KPNA5: variants seen among roughly 807,000 people sequenced by gnomAD.
KPNA5 encodes the protein importin subunit alpha-6.
A neutral mutation model predicts 71.3 loss-of-function variants in KPNA5; 46 were observed. That is an observed-to-expected ratio of 0.65 (90% CI 0.51 to 0.83). The LOEUF is 0.83. KPNA5 is among the 40% of genes least tolerant of loss of function. The pLI is 0.00. For missense variants in KPNA5, 547 were observed against 628.3 expected (o/e 0.87, Z 1.38); for synonymous variants, 207 against 201.4 (o/e 1.03, Z -0.24).
At chr6:116,706,521 C>T (rs1017929502) in intron 7 of KPNA5, among the ~76,000 whole-genome samples, 1 of 152,074 alleles carries the variant, frequency 6.6e-6, no homozygotes, top group African/African-American at 2.4e-5. Context: ...GAAACCCCGT[C>T]TCTACTGAAA....
rs1159438060 is a variant in KPNA5 at position 116,740,238 on chromosome 6, A to G, written c.*7915A>G. Reference sequence around the variant, plus strand: ...CATTTATGCAGCCAAAAAACACATGAAAAAATGCTCACCATCACTGGCCAT... The same window carrying G: ...CATTTATGCAGCCAAAAAACACATGGAAAAATGCTCACCATCACTGGCCAT... On this transcript the variant is annotated 3_prime_UTR_variant, in exon 14 of 14. Transcript: ENST00000368564. 6.6e-6 allele frequency: 1 copy of G among 152,216 alleles called. No homozygotes were observed. The highest frequency in any genetic ancestry group is 1.5e-5 in the Non-Finnish European group (1 of 68,048). 9.4% of individuals were successfully genotyped at this position (152,216 alleles called of 1,614,324 possible).
Position 116,725,766 on chromosome 6 carries a change from T to C in KPNA5, c.1015T>C (p.Ser339Pro). The C allele has an allele frequency of 6.2e-7, 1 of 1,611,418 alleles. No individual in the cohort carries two copies. Among genetic ancestry groups the C allele is most frequent in the Non-Finnish European group, 8.5e-7 (1 of 1,178,748 alleles). ...CTTGTTTTAGGTAATTTTGAATTGT[T>C]CTGCATTACCCTGTCTCTTACATTT... The part of the protein sequence containing the change: ...DIQTQVILNC[S>P]ALPCLLHLLS... Residue 339 changes from serine (S) to proline (P), a missense_variant, in exon 11 of 14, where the codon TCT becomes CCT. Coordinates refer to ENST00000368564, the MANE Select transcript of KPNA5 (RefSeq NM_001366306.2).
At position 116,738,182 on chromosome 6, in the gene KPNA5, C is replaced by T. The variant is rs912888961; in HGVS notation, c.*5859C>T. 2.6e-5 allele frequency: 4 copies of T among 151,930 alleles called. No homozygotes were observed. Among genetic ancestry groups the T allele is most frequent in the African/African-American group, 9.7e-5 (4 of 41,364 alleles). The allele number at this position is 151,930 out of a possible 1,614,324, so 9.4% of individuals were successfully genotyped here. A position where few individuals can be genotyped will look rare whatever the true frequency, so the allele number is the denominator to read the frequency against. On this transcript the variant is annotated 3_prime_UTR_variant, in exon 14 of 14. Transcript: ENST00000368564. ...GATAAAGGGGATATCACCACCGATC[C>T]CACAGAAATACAAACTACCATCAGA... is the stretch of plus-strand genomic sequence containing the variant.
At chr6:116,692,706 A>AT (rs1269856176) in intron 4 of KPNA5, among the ~76,000 whole-genome samples, 9 of 151,922 alleles carry the variant, frequency 5.9e-5, no homozygotes, top group Non-Finnish European at 1.0e-4. Flanking sequence ...TTCAGACATG[A>AT]TTTTTTATTT....
intron 9 of KPNA5, among the ~76,000 whole-genome samples, chr6:116,723,183 T>C (rs574285871): frequency 6.2e-4 from 95 of 152,212 alleles, no homozygotes; most frequent in Non-Finnish European, 1.2e-3. Flanking sequence ...TTTCCTGTTA[T>C]CGGAGAATAG....
In KPNA5 at chr6:116,732,291, C is replaced by A; in HGVS notation, c.1588C>A (p.Gln530Lys). The change falls in exon 14 of 14, where the codon CAG becomes AAG. Residue 530 changes from glutamine (Q) to lysine (K), a missense_variant. Gln to Lys is a moderately conservative substitution (Grantham distance 53). Transcript: ENST00000368564. ...ENQQQFIFQQQEAPMDGFQL is the reference protein window; with the variant it reads ...ENQQQFIFQQKEAPMDGFQL ...CCAACAACAGTTTATATTTCAGCAG[C>A]AGGAAGCACCAATGGATGGATTTCA... 1 of 1,520,978 alleles carries A rather than the reference C, an allele frequency of 6.6e-7. No homozygotes were observed. The highest frequency in any genetic ancestry group is 8.8e-7 in the Non-Finnish European group (1 of 1,131,194). The allele number at this position is 1,520,978 out of a possible 1,614,324, so 94.2% of individuals were successfully genotyped here. A position where few individuals can be genotyped will look rare whatever the true frequency, so the allele number is the denominator to read the frequency against.
At chr6:116,701,146 T>C (rs1210894669) in intron 5 of KPNA5, among the ~76,000 whole-genome samples, 2 of 152,218 alleles carry the variant, frequency 1.3e-5, no homozygotes. Context: ...CTGTACTTTT[T>C]AATATTTCAG....
intron 8 of KPNA5, among the ~76,000 whole-genome samples, chr6:116,717,640 G>T (rs1273519733): frequency 4.6e-5 from 7 of 152,162 alleles, no homozygotes; most frequent in African/African-American, 1.4e-4. Context: ...AAAGGCTTTA[G>T]AACAGGAAAG....
chr6:116,704,945 CT>C, intron 6 of KPNA5, 126 bp from the exon 7 acceptor site: 3 of 609,990 alleles, frequency 4.9e-6, no homozygotes, highest in Non-Finnish European at 5.5e-6. Flanking sequence ...AAAAGTTTTT[CT>C]TTTCTACTGT....
At chr6:116,728,722 CTAT>C (rs1779368703) in intron 12 of KPNA5, among the ~76,000 whole-genome samples, 1 of 151,810 alleles carries the variant, frequency 6.6e-6, no homozygotes, top group East Asian at 1.9e-4. Context: ...GAAGTTGGTA[CTAT>C]TATTATTCCC....
At chr6:116,706,172 G>T (rs999508274) in intron 7 of KPNA5, among the ~76,000 whole-genome samples, 3 of 152,054 alleles carry the variant, frequency 2.0e-5, no homozygotes, top group Non-Finnish European at 4.4e-5. Flanking sequence ...TGATTTATGT[G>T]GTATATAAAT....
At chr6:116,694,149 A>G (rs1251665364) in intron 4 of KPNA5, among the ~76,000 whole-genome samples, 6 of 152,110 alleles carry the variant, frequency 3.9e-5, no homozygotes, top group African/African-American at 1.4e-4. Flanking sequence ...ACCTTGTGTT[A>G]TAGTTTGAAA....
In KPNA5 at chr6:116,740,008, G is replaced by A. The variant is rs1384758423; in HGVS notation, c.*7685G>A. The A allele has an allele frequency of 1.3e-5, 2 of 151,604 alleles. No homozygotes were observed. The highest frequency in any genetic ancestry group is 1.9e-4 in the East Asian group (1 of 5,172). 9.4% of individuals were successfully genotyped at this position (151,604 alleles called of 1,614,324 possible). A position where few individuals can be genotyped will look rare whatever the true frequency, so the allele number is the denominator to read the frequency against. On this transcript the variant is annotated 3_prime_UTR_variant, in exon 14 of 14. Transcript: ENST00000368564. ...CAAAATTGACAAATGGGATGTAATTGAACTAAAGAGCTTCTGCACAGCAAA... is the reference window on the plus strand; with the variant it reads ...CAAAATTGACAAATGGGATGTAATTAAACTAAAGAGCTTCTGCACAGCAAA...
rs1311676553 is a variant in KPNA5 at position 116,739,730 on chromosome 6, AAAAC to A, written c.*7410_*7413del. The A allele has an allele frequency of 6.6e-6, 1 of 152,082 alleles. No homozygotes were observed. Among genetic ancestry groups the A allele is most frequent in the Admixed American group, 6.5e-5 (1 of 15,270 alleles). The allele number at this position is 152,082 out of a possible 1,614,324, so 9.4% of individuals were successfully genotyped here. A position where few individuals can be genotyped will look rare whatever the true frequency, so the allele number is the denominator to read the frequency against. ...TATCTGATCTTTGACAAACCTGAGA[AAAAC>A]AAGCAATGGGGAAAGGATTCCCTAT... On this transcript the variant is annotated 3_prime_UTR_variant, in exon 14 of 14. Coordinates refer to ENST00000368564, the MANE Select transcript of KPNA5 (RefSeq NM_001366306.2).
intron 1 of KPNA5, among the ~76,000 whole-genome samples, chr6:116,688,286 T>C (rs1165376): frequency 0.061 from 9,352 of 152,224 alleles, 400 homozygotes; most frequent in Admixed American, 0.15. Flanking sequence ...ATATCAGGGA[T>C]GGCAGACAGA....
At chr6:116,683,700 G>A (rs752168250) in intron 1 of KPNA5, among the ~76,000 whole-genome samples, 6 of 151,148 alleles carry the variant, frequency 4.0e-5, no homozygotes, top group African/African-American at 1.2e-4. Flanking sequence ...TCTCCCTCCC[G>A]GGGTCTCCTG....
chr6:116,716,417 T>C, intron 8 of KPNA5, 99 bp downstream of exon 8: 1 of 799,510 alleles, frequency 1.3e-6, no homozygotes, highest in Non-Finnish European at 2.1e-6. Flanking sequence ...TTTTGTTTAG[T>C]AATTATTTTC....
chr6:116,706,998 A>C (rs1004019144), intron 7 of KPNA5, among the ~76,000 whole-genome samples: 44 of 151,932 alleles, frequency 2.9e-4, no homozygotes, highest in African/African-American at 9.7e-4. Flanking sequence ...CCCGATCTCT[A>C]CTAAAAATAC....
Position 116,741,111 on chromosome 6 carries a change from A to C in KPNA5, c.*8788A>C, listed in dbSNP as rs927456574. The C allele has an allele frequency of 2.6e-5, 4 of 152,100 alleles. No homozygotes were observed. The highest frequency in any genetic ancestry group is 9.7e-5 in the African/African-American group (4 of 41,438). The allele number at this position is 152,100 out of a possible 1,614,324, so 9.4% of individuals were successfully genotyped here. On this transcript the variant is annotated 3_prime_UTR_variant, in exon 14 of 14. Transcript: ENST00000368564. ...GTTGATACTTGCTTTATGATCTGAT[A>C]TGTGTTGGTTTTAGTGAAATGGCCC...
Sources: allele counts gnomAD v4.1 joint callset (sites outside exome capture counted in the v4.1 genomes callset), GRCh38; gene constraint gnomAD v4.1.1; transcripts MANE v1.5; gene names NCBI Gene and HGNC (gene_info 2026-07-23, HGNC 2026-07-21).